The following IGSF3 variants were observed in gnomAD, a reference collection of about 807,000 sequenced individuals.
The protein encoded by IGSF3 is glu-Trp-Ile EWI motif-containing protein 3.
In IGSF3, 23 loss-of-function variants were observed where a neutral mutation model predicts 114.4. The ratio of observed to expected loss-of-function variants is 0.20; its 90% CI spans 0.14 to 0.28. The LOEUF (loss-of-function observed/expected upper bound fraction) is 0.28, where lower values mean the gene tolerates loss of function less well. Among genes scored for constraint, IGSF3 ranks in the 10% least tolerant of loss-of-function variants. The probability of loss-of-function intolerance (pLI) is 1.00; values close to 1 mark genes in which losing one functional copy is unlikely to be tolerated. For synonymous variants in IGSF3, 571 were observed against 645.2 expected (o/e 0.88, Z 1.74); for missense variants, 1,172 against 1,591.5 (o/e 0.74, Z 4.48).
chr1:116,581,781 A>G (rs749825560), intron 9 of IGSF3, among the ~76,000 whole-genome samples: 16 of 152,290 alleles, frequency 1.1e-4, no homozygotes, highest in South Asian at 2.1e-4. Flanking sequence ...GGACTATTCA[A>G]TCAGTTCACA....
chr1:116,631,002 C>T (rs1248892916), intron 2 of IGSF3, among the ~76,000 whole-genome samples: 1 of 152,102 alleles, frequency 6.6e-6, no homozygotes, highest in Non-Finnish European at 1.5e-5. Flanking sequence ...CAGGCCAGGG[C>T]AGGGATAGGG....
rs774523526 is a variant in IGSF3, at chr1:116,584,844, G to A, written c.2649C>T (p.Ala883=). ...DATFHYGEQA[A]KNNLKGRLHL... is the part of the protein sequence containing the mutation. ...GCAGCCGCCCCTTCAGATTGTTCTT[G>A]GCTGCCTGCTCTCCATAGTGGAAGG... Residue 883 remains alanine, a synonymous_variant, in exon 9 of 11, where the codon GCC becomes GCT. Transcript: ENST00000369486. The surrounding 1 kb of genome is among the most constrained non-coding windows in gnomAD (Gnocchi z 5.8). The A allele has an allele frequency of 1.9e-6, 3 of 1,614,138 alleles. No individual in the cohort carries two copies. The highest frequency in any genetic ancestry group is 2.7e-5 in the African/African-American group (2 of 74,956).
rs1660290310 is a variant in IGSF3, at chr1:116,595,150, T to C, written c.2029+4791A>G. The stretch of plus-strand genomic sequence containing the variant: ...AGAGTCTGCAGGTGGAAATAGCTAA[T>C]GAAGGTTACCCAGATGTGCCCTACC... On this transcript the variant is annotated intron_variant, in intron 7 of 10. Coordinates refer to ENST00000369486, the MANE Select transcript of IGSF3 (RefSeq NM_001007237.3). The surrounding 1 kb of genome is among the most constrained non-coding windows in gnomAD (Gnocchi z 4.2). Among the ~76,000 whole-genome samples, 1 of 152,050 alleles carries C rather than the reference T, an allele frequency of 6.6e-6. No homozygotes were observed. The highest frequency in any genetic ancestry group is 2.4e-5 in the African/African-American group (1 of 41,388).
At chr1:116,652,695 AAAAATTTTAGATCCTTATCTTTTG>A (rs1355269505) in intron 2 of IGSF3, among the ~76,000 whole-genome samples, 2 of 152,222 alleles carry the variant, frequency 1.3e-5, no homozygotes, top group Non-Finnish European at 2.9e-5. Context: ...CAGAGCACAA[AAAAATTTTAGATCCTTATCTTTTG>A]ATTAACCTGG....
At chr1:116,622,118 G>A (rs1010192658) in intron 2 of IGSF3, among the ~76,000 whole-genome samples, 1 of 152,104 alleles carries the variant, frequency 6.6e-6, no homozygotes, top group Non-Finnish European at 1.5e-5. Flanking sequence ...CAGAGGGATC[G>A]ACCTCACCAT....
At position 116,648,969 on chromosome 1, in the gene IGSF3, G is replaced by C. The variant is rs1440635042; in HGVS notation, c.43+17315C>G. Among the ~76,000 whole-genome samples, 7 of 152,188 alleles carry C rather than the reference G, an allele frequency of 4.6e-5. No individual in the cohort carries two copies. Among genetic ancestry groups the C allele is most frequent in the Non-Finnish European group, 8.8e-5 (6 of 68,032 alleles). ...AGAGGTAGAATGAGTCAGCCAGCAA[G>C]CTCCAGCCCATTGACAGCAGACCCC... On this transcript the variant is annotated intron_variant, in intron 2 of 10. Transcript: ENST00000369486. The surrounding 1 kb of genome is among the most constrained non-coding windows in gnomAD (Gnocchi z 4.7).
intron 2 of IGSF3, among the ~76,000 whole-genome samples, chr1:116,637,456 T>C (rs950055582): frequency 3.9e-5 from 6 of 152,214 alleles, no homozygotes; most frequent in African/African-American, 1.2e-4. Context: ...TTCCTTTCCC[T>C]GTGTCTTACA....
At chr1:116,652,974 G>A (rs1413296486) in intron 2 of IGSF3, among the ~76,000 whole-genome samples, 1 of 152,100 alleles carries the variant, frequency 6.6e-6, no homozygotes, top group Non-Finnish European at 1.5e-5. Flanking sequence ...CATGGTAAAT[G>A]AACAGCAGGC....
At chr1:116,606,200 C>T (rs1333546382) in intron 5 of IGSF3, among the ~76,000 whole-genome samples, 1 of 152,256 alleles carries the variant, frequency 6.6e-6, no homozygotes, top group Admixed American at 6.5e-5. Context: ...CGGTGTAGCA[C>T]AGGCTAAGCG....
chr1:116,653,562 T>C (rs1557886717), intron 2 of IGSF3, among the ~76,000 whole-genome samples: 1 of 152,194 alleles, frequency 6.6e-6, no homozygotes, highest in Admixed American at 6.5e-5. Context: ...CATAATGTTT[T>C]AATTTAAAAC....
At chr1:116,635,255 A>C (rs1647773631) in intron 2 of IGSF3, among the ~76,000 whole-genome samples, 1 of 152,184 alleles carries the variant, frequency 6.6e-6, no homozygotes, top group African/African-American at 2.4e-5. Context: ...CAAGCCCTTG[A>C]GTCACCAATT....
At position 116,598,524 on chromosome 1, in the gene IGSF3, T is replaced by C. The variant is rs1312720267; in HGVS notation, c.2029+1417A>G. Among the ~76,000 whole-genome samples, 1 of 152,234 alleles carries C rather than the reference T, an allele frequency of 6.6e-6. No individual in the cohort carries two copies. The highest frequency in any genetic ancestry group is 1.5e-5 in the Non-Finnish European group (1 of 68,046). On this transcript the variant is annotated intron_variant, in intron 7 of 10. Transcript: ENST00000369486. This position sits in a 1 kb window ranked among gnomAD's most constrained non-coding sequence, Gnocchi z 4.3. The stretch of plus-strand genomic sequence containing the variant: ...TCTGGTACAGAACAGAACTCTGTTA[T>C]GGGGTTAGAAGAGGTGAAGGAGAAA...
rs576312841 is a variant in IGSF3, at chr1:116,585,406, C to T, written c.2441-354G>A. Among the ~76,000 whole-genome samples, 42 of 152,056 alleles carry T rather than the reference C, an allele frequency of 2.8e-4. No homozygotes were observed. The highest frequency in any genetic ancestry group is 1.6e-3 in the Admixed American group (24 of 15,278). ...GGCCGGGGCAGGTGGCTGGGAAGGG[C>T]GGGGGAAGGGGATGGTGAGAAACCT... On this transcript the variant is annotated intron_variant, in intron 8 of 10. Transcript: ENST00000369486. This position sits in a 1 kb window ranked among gnomAD's most constrained non-coding sequence, Gnocchi z 4.9.
chr1:116,646,373 G>A (rs563188371), intron 2 of IGSF3, among the ~76,000 whole-genome samples: 2 of 152,288 alleles, frequency 1.3e-5, no homozygotes, highest in South Asian at 4.1e-4. Flanking sequence ...GATGGATTCA[G>A]AAGACTTCCA....
chr1:116,578,150 G>A (rs1659436404), intron 10 of IGSF3, among the ~76,000 whole-genome samples: 2 of 152,186 alleles, frequency 1.3e-5, no homozygotes, highest in Non-Finnish European at 2.9e-5. Flanking sequence ...GAATAAACCA[G>A]GCGCCCCAAG....
chr1:116,597,869 A>G (rs1660407707), intron 7 of IGSF3, among the ~76,000 whole-genome samples: 1 of 152,212 alleles, frequency 6.6e-6, no homozygotes, highest in Admixed American at 6.5e-5. Flanking sequence ...AACCACTTTG[A>G]GCCTTGGTTT....
rs1659651307 is a variant in IGSF3, at chr1:116,582,635, T to C, written c.2848+2010A>G. Among the ~76,000 whole-genome samples, 1 of 152,200 alleles carries C rather than the reference T, an allele frequency of 6.6e-6. No homozygotes were observed. The highest frequency in any genetic ancestry group is 1.5e-5 in the Non-Finnish European group (1 of 68,050). ...AAGTACGTCTGCACAATGAATGTTA[T>C]GAAACCAGTAAAAATGGTGGCTATG... On this transcript the variant is annotated intron_variant, in intron 9 of 10. Coordinates refer to ENST00000369486, the MANE Select transcript of IGSF3 (RefSeq NM_001007237.3). The surrounding 1 kb of genome is among the most constrained non-coding windows in gnomAD (Gnocchi z 4.7).
At chr1:116,591,533 A>C (rs1242240060) in intron 7 of IGSF3, among the ~76,000 whole-genome samples, 2 of 152,250 alleles carry the variant, frequency 1.3e-5, no homozygotes, top group Non-Finnish European at 2.9e-5. Flanking sequence ...AGGAAGAGAA[A>C]TGTTTCAAAG....
chr1:116,630,611 T>C (rs1186894643), intron 2 of IGSF3, among the ~76,000 whole-genome samples: 1 of 152,216 alleles, frequency 6.6e-6, no homozygotes, highest in Non-Finnish European at 1.5e-5. Flanking sequence ...TGGTGTCTCC[T>C]CTTTGCTGGA....
Sources: gnomAD v4.1 joint callset for allele counts (sites outside exome capture counted in the v4.1 genomes callset) on GRCh38, gnomAD v4.1.1 for gene constraint, Gnocchi (gnomAD v3.1) non-coding constraint, MANE v1.5 for transcripts, NCBI Gene and HGNC (gene_info 2026-07-23, HGNC 2026-07-21) for gene names.